Variants in UBASH3B observed in about 807,000 individuals in gnomAD.
UBASH3B encodes ubiquitin associated and SH3 domain containing B.
UBASH3B carries 37 observed loss-of-function variants against 83.4 expected under a neutral mutation model. That is an observed-to-expected ratio of 0.44 (90% CI 0.34 to 0.58). UBASH3B has a LOEUF of 0.58. Among genes scored for constraint, UBASH3B ranks in the 20% least tolerant of loss-of-function variants. The probability of loss-of-function intolerance (pLI) is 0.01; values close to 1 mark genes in which losing one functional copy is unlikely to be tolerated. For missense variants in UBASH3B, 657 were observed against 827.2 expected (o/e 0.79, Z 2.52); for synonymous variants, 304 against 318.3 (o/e 0.96, Z 0.48).
chr11:122,798,880 T>C, intron 9 of UBASH3B, 62 bp from the exon 10 acceptor site: 1 of 1,443,502 alleles, frequency 6.9e-7, no homozygotes, highest in Non-Finnish European at 9.7e-7. Context: ...CCTCTCACAC[T>C]GCGGGTCAAG....
Position 122,791,926 on chromosome 11 carries a change from G to A in UBASH3B, c.980+2618G>A, listed in dbSNP as rs1245321438. The stretch of plus-strand genomic sequence containing the variant: ...ATGAAGCTGGGTGAGCTGCCTGGCC[G>A]CTTGGGCTTAGCACAGGCCTGGTGT... On this transcript the variant is annotated intron_variant, in intron 6 of 13. Transcript: ENST00000284273. Among the ~76,000 whole-genome samples, 5 of 152,188 alleles carry A rather than the reference G, an allele frequency of 3.3e-5. No homozygotes were observed. In the East Asian group the frequency reaches 7.7e-4, roughly 23 times the overall value.
chr11:122,797,823 A>G (rs1351901288), intron 9 of UBASH3B, among the ~76,000 whole-genome samples: 3 of 152,204 alleles, frequency 2.0e-5, no homozygotes, highest in Non-Finnish European at 2.9e-5. Context: ...AAAGAGTCTT[A>G]GGCTTGAGAA....
chr11:122,751,918 T>C (rs908953548), intron 1 of UBASH3B, among the ~76,000 whole-genome samples: 3 of 152,142 alleles, frequency 2.0e-5, no homozygotes, highest in African/African-American at 7.2e-5. Context: ...CCAAAAGTAG[T>C]CAGCTCTCCA....
chr11:122,691,196 T>C (rs545873149), intron 1 of UBASH3B, among the ~76,000 whole-genome samples: 1 of 152,240 alleles, frequency 6.6e-6, no homozygotes, highest in African/African-American at 2.4e-5. Flanking sequence ...CTGTGTGTTC[T>C]GCTCTGTGCC....
rs149477114 is a variant in UBASH3B at position 122,770,991 on chromosome 11, C to T, written c.162-5228C>T. On this transcript the variant is annotated intron_variant, in intron 1 of 13. Transcript: ENST00000284273. Reference sequence around the variant, plus strand: ...CTCTAGCTTAATTTGAGATCAGGTCCAAGCTCTAAAGTGACGCATAAGGCC... The same window carrying T: ...CTCTAGCTTAATTTGAGATCAGGTCTAAGCTCTAAAGTGACGCATAAGGCC... Among the ~76,000 whole-genome samples the T allele has an allele frequency of 4.6e-3, 698 of 152,298 alleles. 5 individuals carry two copies. The highest frequency in any genetic ancestry group is 0.016 in the African/African-American group (647 of 41,558).
chr11:122,729,795 CAAAAAA>C lies in UBASH3B; in HGVS notation c.162-46405_162-46400del, dbSNP rs71054092. 9.4e-3 allele frequency among the ~76,000 whole-genome samples: 383 copies of C among 40,896 alleles called. 1 individual carries two copies. The highest frequency in any genetic ancestry group is 0.037 in the African/African-American group (360 of 9,656). 26.8% of individuals were successfully genotyped at this position (40,896 alleles called of 152,430 possible). A position where few individuals can be genotyped will look rare whatever the true frequency, so the allele number is the denominator to read the frequency against. On this transcript the variant is annotated intron_variant, in intron 1 of 13. Coordinates refer to ENST00000284273, the MANE Select transcript of UBASH3B (RefSeq NM_032873.5). ...GCAACATAGCAAGACCCTATCTCTA[CAAAAAA>C]AAAAAAAAAAAAAAAAAACCCTAAA... is the stretch of plus-strand genomic sequence containing the variant.
chr11:122,768,708 G>A (rs1410368954), intron 1 of UBASH3B, among the ~76,000 whole-genome samples: 1 of 152,052 alleles, frequency 6.6e-6, no homozygotes, highest in African/African-American at 2.4e-5. Context: ...GTTTCACCAT[G>A]TTGACCAGGC....
At chr11:122,683,604 CAA>C (rs35467373) in intron 1 of UBASH3B, among the ~76,000 whole-genome samples, 29 of 36,882 alleles carry the variant, frequency 7.9e-4, no homozygotes, top group East Asian at 2.6e-3. Flanking sequence ...GACTCCTTCT[CAA>C]AAAAAAAAAA....
intron 5 of UBASH3B, among the ~76,000 whole-genome samples, chr11:122,787,316 TTGAG>T (rs1860972788): frequency 6.6e-6 from 1 of 152,056 alleles, no homozygotes; most frequent in Admixed American, 6.6e-5. Context: ...GGGAGGTGGT[TTGAG>T]TGTGTATGAG....
intron 11 of UBASH3B, 31 bp downstream of exon 11, chr11:122,801,363 C>A: frequency 6.2e-7 from 1 of 1,609,920 alleles, no homozygotes; most frequent in Non-Finnish European, 8.5e-7. Flanking sequence ...CTTACTGAGG[C>A]CAGTGTGGAA....
chr11:122,765,425 C>T (rs1166645659), intron 1 of UBASH3B, among the ~76,000 whole-genome samples: 1 of 152,200 alleles, frequency 6.6e-6, no homozygotes, highest in Non-Finnish European at 1.5e-5. Flanking sequence ...TGCTTTGACA[C>T]TGGAGAGTGG....
intron 1 of UBASH3B, among the ~76,000 whole-genome samples, chr11:122,698,662 A>G (rs1863993896): frequency 6.6e-6 from 1 of 151,924 alleles, no homozygotes; most frequent in African/African-American, 2.4e-5. Context: ...GAGTTGCTAC[A>G]ATGGTCAGAA....
At chr11:122,706,730 A>G (rs1041217064) in intron 1 of UBASH3B, among the ~76,000 whole-genome samples, 1 of 152,236 alleles carries the variant, frequency 6.6e-6, no homozygotes, top group Non-Finnish European at 1.5e-5. Context: ...CCAAGAAGAA[A>G]CATATATGTA....
intron 5 of UBASH3B, among the ~76,000 whole-genome samples, chr11:122,787,338 G>A (rs1374634990): frequency 2.0e-5 from 3 of 152,156 alleles, no homozygotes; most frequent in African/African-American, 7.2e-5. Context: ...GAGGCAAAGG[G>A]ACAGGAAGAA....
chr11:122,777,983 G>A (rs1405625861), intron 3 of UBASH3B, among the ~76,000 whole-genome samples: 2 of 152,048 alleles, frequency 1.3e-5, no homozygotes, highest in Non-Finnish European at 2.9e-5. Context: ...GCCCACCTCA[G>A]CCTCCCAAAG....
chr11:122,686,579 T>C (rs1863811014), intron 1 of UBASH3B, among the ~76,000 whole-genome samples: 4 of 152,158 alleles, frequency 2.6e-5, no homozygotes, highest in Non-Finnish European at 5.9e-5. Flanking sequence ...TGAGTAAGGC[T>C]TTTGGCCGTG....
At chr11:122,716,562 C>T (rs1167173025) in intron 1 of UBASH3B, among the ~76,000 whole-genome samples, 2 of 152,150 alleles carry the variant, frequency 1.3e-5, no homozygotes, top group African/African-American at 4.8e-5. Flanking sequence ...CATGGGGAAT[C>T]GCTGTCCACC....
At chr11:122,736,988 T>C (rs1860943782) in intron 1 of UBASH3B, among the ~76,000 whole-genome samples, 1 of 152,146 alleles carries the variant, frequency 6.6e-6, no homozygotes, top group African/African-American at 2.4e-5. Flanking sequence ...GCAGAGATAT[T>C]ACTGTAGGGA....
chr11:122,805,834 A>G (rs1861331934), intron 11 of UBASH3B, among the ~76,000 whole-genome samples: 1 of 152,110 alleles, frequency 6.6e-6, no homozygotes, highest in Non-Finnish European at 1.5e-5. Context: ...CTTCACCCCA[A>G]CCACAGGCAG....
Sources: gnomAD v4.1 joint callset for allele counts (sites outside exome capture counted in the v4.1 genomes callset) on GRCh38, gnomAD v4.1.1 for gene constraint, MANE v1.5 for transcripts, NCBI Gene and HGNC (gene_info 2026-07-23, HGNC 2026-07-21) for gene names.